ARMC6: variants seen among roughly 807,000 people sequenced by gnomAD.
ARMC6 encodes armadillo repeat containing 6, also known as armadillo repeat-containing protein 6.
A neutral mutation model predicts 49.2 loss-of-function variants in ARMC6; 43 were observed. That is an observed-to-expected ratio of 0.87 (90% confidence interval 0.69 to 1.13). The LOEUF (loss-of-function observed/expected upper bound fraction) is 1.13, where lower values mean the gene tolerates loss of function less well. Among genes scored for constraint, ARMC6 ranks in the 50% most tolerant of loss-of-function variants. ARMC6 has a pLI of 0.00. For missense variants in ARMC6, 627 were observed against 682.0 expected (o/e 0.92, Z 0.90); for synonymous variants, 262 against 289.6 (o/e 0.90, Z 0.97).
intron 2 of ARMC6, among the ~76,000 whole-genome samples, chr19:19,038,352 G>A (rs974499799): frequency 6.6e-6 from 1 of 152,168 alleles, no homozygotes; most frequent in African/African-American, 2.4e-5. Flanking sequence ...TGTCTTCCAC[G>A]AAACTGGTCC....
chr19:19,050,477 A>T (rs184132299), intron 4 of ARMC6, among the ~76,000 whole-genome samples: 1 of 152,260 alleles, frequency 6.6e-6, no homozygotes, highest in Admixed American at 6.5e-5. Context: ...TGGCCTCCCA[A>T]AATGCTGGGA....
In ARMC6 at chr19:19,055,132, T is replaced by G. The variant is rs576210135; in HGVS notation, c.1024-133T>G. On this transcript the variant is annotated intron_variant, in intron 6 of 8. Transcript: ENST00000535612. The surrounding 1 kb of genome is among the most constrained non-coding windows in gnomAD (Gnocchi z 5.7). Reference sequence around the variant, plus strand: ...CTGAGCCACAGGCATCTGCCACCCCTTCTCGTTAGTCACACCCTGCAGTCA... The same window carrying G: ...CTGAGCCACAGGCATCTGCCACCCCGTCTCGTTAGTCACACCCTGCAGTCA... The G allele has an allele frequency of 1.3e-5, 16 of 1,211,418 alleles. No individual in the cohort carries two copies. The South Asian group carries it at 2.7e-4, about 20-fold the overall frequency. The allele number at this position is 1,211,418 out of a possible 1,614,324, so 75.0% of individuals were successfully genotyped here.
intron 2 of ARMC6, chr19:19,037,674 A>C: frequency 8.6e-7 from 1 of 1,156,386 alleles, no homozygotes; most frequent in South Asian, 1.6e-5. Flanking sequence ...TGATAATTCC[A>C]GAACGGAAAC....
intron 4 of ARMC6, among the ~76,000 whole-genome samples, chr19:19,047,969 G>A (rs1296255631): frequency 1.3e-5 from 2 of 152,144 alleles, no homozygotes; most frequent in Non-Finnish European, 2.9e-5. Flanking sequence ...TCAGCATTTT[G>A]GGAGGCTGAG....
At chr19:19,042,993 C>CT (rs1731610206) in intron 3 of ARMC6, 116 bp downstream of exon 3, 1 of 1,182,994 alleles carries the variant, frequency 8.5e-7, no homozygotes, top group Non-Finnish European at 1.1e-6. Context: ...AAACCAGGTG[C>CT]CATTGGGCCC....
rs187163226 is a variant in ARMC6 at position 19,051,732 on chromosome 19, C to T, written c.390C>T (p.Leu130=). 9.3e-6 allele frequency: 15 copies of T among 1,614,034 alleles called. No homozygotes were observed. The East Asian group carries it at 1.8e-4, about 19-fold the overall frequency. The part of the protein sequence containing the change: ...QCKQDKACRF[L]AAQKGAYPII... The stretch of plus-strand genomic sequence containing the variant: ...AACAGGACAAGGCCTGCCGCTTCCT[C>T]GCGGCCCAGAAGGGGGCCTACCCCA... Residue 130 remains leucine (L), a synonymous_variant, in exon 5 of 9, where the codon CTC becomes CTT. Coordinates refer to ENST00000535612, the MANE Select transcript of ARMC6 (RefSeq NM_001199196.2).
chr19:19,034,237 A>G lies in ARMC6; in HGVS notation c.28A>G (p.Ser10Gly), dbSNP rs758312379. Residue 10 changes from serine (S) to glycine (G), a missense_variant and splice_region_variant, in exon 2 of 9, where the codon AGC (serine) becomes GGC (glycine). Coordinates refer to ENST00000535612, the MANE Select transcript of ARMC6 (RefSeq NM_001199196.2). ...GAGTGAACGATGTTGCTCTAGATAC[A>G]GGTAATGGTGTGCAAATAATAACAG... MSERCCSRYSSGASIGCTPT... is the reference protein window; with the variant it reads MSERCCSRYGSGASIGCTPT... The G allele has an allele frequency of 4.4e-6, 7 of 1,594,834 alleles. No individual in the cohort carries two copies. In the Admixed American group the frequency reaches 1.0e-4, roughly 23 times the overall value.
rs11270900 is a variant in ARMC6 at position 19,045,493 on chromosome 19, C to CTTTTTTTT, written c.279+1423_279+1430dup. Among the ~76,000 whole-genome samples the CTTTTTTTT allele has an allele frequency of 4.0e-4, 36 of 89,130 alleles. 8 individuals carry two copies. The highest frequency in any genetic ancestry group is 6.2e-4 in the Admixed American group (4 of 6,460). 58.5% of individuals were successfully genotyped at this position (89,130 alleles called of 152,430 possible). The stretch of plus-strand genomic sequence containing the variant: ...TAAGTGCTCAGCATTATGCTAAATT[C>CTTTTTTTT]TTTTTTTTTTTGAGACAAGAGTCTC... On this transcript the variant is annotated intron_variant, in intron 4 of 8. Transcript: ENST00000535612.
At chr19:19,039,470 A>G (rs577377746) in intron 2 of ARMC6, 7 of 405,534 alleles carry the variant, frequency 1.7e-5, no homozygotes, top group South Asian at 1.2e-4. Context: ...ACAGAGTTGT[A>G]CAACCATCAT....
chr19:19,038,273 A>G (rs1228739381), intron 2 of ARMC6, among the ~76,000 whole-genome samples: 2 of 152,224 alleles, frequency 1.3e-5, no homozygotes, highest in Non-Finnish European at 2.9e-5. Context: ...AAAGTGCACA[A>G]TAAATGTAAT....
chr19:19,048,271 G>A (rs191462329), intron 4 of ARMC6, among the ~76,000 whole-genome samples: 8 of 152,224 alleles, frequency 5.3e-5, no homozygotes, highest in Admixed American at 1.3e-4. Flanking sequence ...GCTTGAACCC[G>A]GGAGGCAGAG....
intron 3 of ARMC6, 66 bp downstream of exon 3, chr19:19,042,943 G>A (rs2059421981): frequency 2.5e-6 from 4 of 1,585,714 alleles, no homozygotes; most frequent in Admixed American, 1.7e-5. Context: ...GGAGAGCCCT[G>A]CTGCCCCGCC....
intron 3 of ARMC6, 92 bp downstream of exon 3, chr19:19,042,969 C>CA: frequency 6.7e-7 from 1 of 1,495,826 alleles, no homozygotes; most frequent in South Asian, 1.2e-5. Context: ...GGGGGTGCCA[C>CA]ATGCCTGGCA....
intron 2 of ARMC6, chr19:19,040,876 C>A: frequency 3.4e-6 from 1 of 297,250 alleles, no homozygotes; most frequent in Admixed American, 4.0e-5. Context: ...TCTGTAGCTA[C>A]CAGGCATCCC....
At chr19:19,044,877 A>G (rs556504152) in intron 4 of ARMC6, among the ~76,000 whole-genome samples, 40 of 152,350 alleles carry the variant, frequency 2.6e-4, no homozygotes, top group Non-Finnish European at 5.3e-4. Context: ...TGCCTAAGGC[A>G]TGACACTTAC....
intron 5 of ARMC6, among the ~76,000 whole-genome samples, chr19:19,053,494 TTAATAA>T (rs141816725): frequency 1.1e-4 from 17 of 151,290 alleles, no homozygotes; most frequent in South Asian, 4.2e-4. Context: ...CTCAAAAAAA[TTAATAA>T]TAATAATAAT....
Position 19,054,273 on chromosome 19 carries a change from G to A in ARMC6, c.975G>A (p.Leu325=), listed in dbSNP as rs10414859. The A allele has an allele frequency of 4.3e-6, 7 of 1,609,500 alleles. No homozygotes were observed. The highest frequency in any genetic ancestry group is 5.9e-6 in the Non-Finnish European group (7 of 1,178,098). Residue 325 remains leucine (L), a synonymous_variant, in exon 6 of 9, where the codon CTG becomes CTA. Coordinates refer to ENST00000535612, the MANE Select transcript of ARMC6 (RefSeq NM_001199196.2). ...DLGGLSILVS[L]LADCNDHQMR... is the part of the protein sequence containing the mutation. ...GGGGCCTGAGCATTCTGGTGTCCCTGCTAGCCGACTGCAATGACCACCAGA... is the reference window on the plus strand; with the variant it reads ...GGGGCCTGAGCATTCTGGTGTCCCTACTAGCCGACTGCAATGACCACCAGA...
In ARMC6 at chr19:19,055,413, G is replaced by A. The variant is rs751022551; in HGVS notation, c.1155+17G>A. The A allele has an allele frequency of 1.7e-5, 27 of 1,587,106 alleles. No homozygotes were observed. The East Asian group carries it at 3.8e-4, about 22-fold the overall frequency. ...AGCCCCCAGGTACCCACCTCGGGGG[G>A]CACACACAGTAGCAGGGTGGTGGCT... On this transcript the variant is annotated intron_variant, in intron 7 of 8. Transcript: ENST00000535612. The surrounding 1 kb of genome is among the most constrained non-coding windows in gnomAD (Gnocchi z 5.7).
At chr19:19,034,908 C>T (rs1435256807) in intron 2 of ARMC6, among the ~76,000 whole-genome samples, 1 of 149,982 alleles carries the variant, frequency 6.7e-6, no homozygotes, top group Non-Finnish European at 1.5e-5. Context: ...GTCACCCAGG[C>T]TGGAGTGCAG....
Sources: gnomAD v4.1 joint callset for allele counts (sites outside exome capture counted in the v4.1 genomes callset) on GRCh38, gnomAD v4.1.1 for gene constraint, Gnocchi (gnomAD v3.1) non-coding constraint, MANE v1.5 for transcripts, NCBI Gene and HGNC (gene_info 2026-07-23, HGNC 2026-07-21) for gene names.